The following DRC1 variants were observed in gnomAD, a reference collection of about 807,000 sequenced individuals.
DRC1 encodes the protein dynein regulatory complex subunit 1.
DRC1 carries 74 observed loss-of-function variants against 98.7 expected under a neutral mutation model. The observed-to-expected ratio is 0.75, with a 90% CI of 0.62 to 0.91. DRC1 has a LOEUF of 0.91. Ranked by LOEUF, DRC1 falls within the 40% of genes least tolerant of loss-of-function variation. The probability of loss-of-function intolerance (pLI) is 0.00; values close to 1 mark genes in which losing one functional copy is unlikely to be tolerated. For missense variants in DRC1, 875 were observed against 886.0 expected (o/e 0.99, Z 0.16); for synonymous variants, 336 against 334.1 (o/e 1.01, Z -0.06).
At chr2:26,444,691 C>T in intron 9 of DRC1, 25 bp from the exon 10 acceptor site, 1 of 1,608,442 alleles carries the variant, frequency 6.2e-7, no homozygotes, top group Non-Finnish European at 8.5e-7. Context: ...GCCAGCTGGC[C>T]ATGCTCTGTG....
intron 2 of DRC1, among the ~76,000 whole-genome samples, chr2:26,418,688 T>TATATAAATTATATTTAATTTATATA (rs1678929364): frequency 2.4e-5 from 2 of 84,904 alleles, no homozygotes; most frequent in Non-Finnish European, 4.2e-5. Context: ...TAATTTATAT[T>TATATAAATTATATTTAATTTATATA]ATATATAAAT....
intron 12 of DRC1, among the ~76,000 whole-genome samples, chr2:26,450,343 A>G (rs1663969938): frequency 6.6e-6 from 1 of 152,252 alleles, no homozygotes; most frequent in South Asian, 2.1e-4. Flanking sequence ...CCCCAAACTC[A>G]AATCTGGTGC....
chr2:26,432,868 T>C (rs941503477), intron 7 of DRC1, among the ~76,000 whole-genome samples: 5 of 152,304 alleles, frequency 3.3e-5, no homozygotes, highest in Admixed American at 1.3e-4. Flanking sequence ...AAGCTATATA[T>C]CTAGTACACG....
At chr2:26,450,716 TTTC>T (rs1162403757) in intron 13 of DRC1, 35 bp downstream of exon 13, 12 of 1,485,564 alleles carry the variant, frequency 8.1e-6, no homozygotes, top group Non-Finnish European at 1.1e-5. Flanking sequence ...AAGCATTTTC[TTTC>T]TTTCTTATTT....
At chr2:26,419,776 T>C (rs1310325430) in intron 2 of DRC1, among the ~76,000 whole-genome samples, 2 of 152,126 alleles carry the variant, frequency 1.3e-5, no homozygotes, top group African/African-American at 2.4e-5. Flanking sequence ...GAACTTTTTG[T>C]TGAGAGGATT....
intron 10 of DRC1, among the ~76,000 whole-genome samples, chr2:26,445,385 C>G (rs1663826434): frequency 6.6e-6 from 1 of 152,082 alleles, no homozygotes; most frequent in African/African-American, 2.4e-5. Context: ...AATTTGCTAC[C>G]CTGAGATAGT....
intron 2 of DRC1, 114 bp downstream of exon 2, chr2:26,414,545 G>A (rs1238098070): frequency 1.1e-6 from 1 of 888,446 alleles, no homozygotes; most frequent in East Asian, 2.7e-5. Context: ...TCTCTAGGCA[G>A]AACTGAATAG....
chr2:26,421,372 G>A lies in DRC1; in HGVS notation c.328G>A (p.Val110Ile). 1.2e-6 allele frequency: 2 copies of A among 1,613,408 alleles called. No individual in the cohort carries two copies. Among genetic ancestry groups the A allele is most frequent in the Non-Finnish European group, 1.7e-6 (2 of 1,179,600 alleles). ...AIDIREIHRR[V>I]EEEEIKRQRI... ...AGATATCAGAGAGATTCACAGGAGA[G>A]TCGAAGAAGAGGAGATAAAGCGTCA... The change falls in exon 3 of 17, where the codon GTC (valine) becomes ATC (isoleucine). Residue 110 changes from valine (V) to isoleucine (I), a missense_variant. By Grantham distance (29) the Val-to-Ile change is conservative (BLOSUM62 3). Coordinates refer to ENST00000288710, the MANE Select transcript of DRC1 (RefSeq NM_145038.5).
At chr2:26,453,793 G>A (rs1420077683) in intron 14 of DRC1, among the ~76,000 whole-genome samples, 1 of 152,242 alleles carries the variant, frequency 6.6e-6, no homozygotes, top group African/African-American at 2.4e-5. Flanking sequence ...ACTGAAGGCT[G>A]CCATGTGTAA....
At position 26,405,722 on chromosome 2, in the gene DRC1, G is replaced by A. The variant is rs142636421; in HGVS notation, c.155+3578G>A. Among the ~76,000 whole-genome samples the A allele has an allele frequency of 1.2e-4, 16 of 136,820 alleles. 1 individual carries two copies. In the East Asian group the frequency reaches 3.0e-3, roughly 25 times the overall value. The allele number at this position is 136,820 out of a possible 152,430, so 89.8% of individuals were successfully genotyped here. ...TCTATGCAGGCAGGAATGCAGTGGCGCAGTCTTGGCTTACTGCAATCTCCA... is the reference window on the plus strand; with the variant it reads ...TCTATGCAGGCAGGAATGCAGTGGCACAGTCTTGGCTTACTGCAATCTCCA... On this transcript the variant is annotated intron_variant, in intron 1 of 16. Transcript: ENST00000288710.
chr2:26,444,472 C>G, intron 9 of DRC1, 116 bp downstream of exon 9: 1 of 1,395,322 alleles, frequency 7.2e-7, no homozygotes, highest in Non-Finnish European at 9.6e-7. Context: ...TGGGGCTGGA[C>G]CAGGCACTAG....
At chr2:26,446,518 A>G (rs1217000933) in intron 10 of DRC1, among the ~76,000 whole-genome samples, 1 of 152,202 alleles carries the variant, frequency 6.6e-6, no homozygotes, top group African/African-American at 2.4e-5. Flanking sequence ...AAAATAAATC[A>G]TGAGTTCATT....
chr2:26,418,104 A>G (rs1678872394), intron 2 of DRC1, among the ~76,000 whole-genome samples: 1 of 152,016 alleles, frequency 6.6e-6, no homozygotes, highest in African/African-American at 2.4e-5. Context: ...CATCCCCTCA[A>G]GTAGACTTGT....
intron 16 of DRC1, 98 bp downstream of exon 16, chr2:26,455,331 A>G: frequency 8.9e-7 from 1 of 1,124,924 alleles, no homozygotes; most frequent in Non-Finnish European, 1.3e-6. Context: ...CCTCCCCGTC[A>G]GAGGCAAGGG....
At chr2:26,418,882 A>ATATAT (rs1484728017) in intron 2 of DRC1, among the ~76,000 whole-genome samples, 1 of 141,186 alleles carries the variant, frequency 7.1e-6, no homozygotes. Flanking sequence ...TATATATTAT[A>ATATAT]TATATTATAT....
At chr2:26,404,288 T>C (rs866371854) in intron 1 of DRC1, among the ~76,000 whole-genome samples, 1 of 152,218 alleles carries the variant, frequency 6.6e-6, no homozygotes, top group Non-Finnish European at 1.5e-5. Context: ...AGAACTACCA[T>C]GGTCCTGTGA....
chr2:26,410,245 ATATTATTATTAT>A (rs10573963), intron 1 of DRC1, among the ~76,000 whole-genome samples: 3,112 of 142,972 alleles, frequency 0.022, 112 homozygotes, highest in African/African-American at 0.066. Context: ...TATAGAGAAA[ATATTATTATTAT>A]TATTATTATT....
chr2:26,453,335 CAGGCGAGCATGGAGA>C lies in DRC1; in HGVS notation c.1720_1734del (p.Lys574_Glu578del), dbSNP rs878855222. 3.1e-4 allele frequency: 504 copies of C among 1,614,126 alleles called. 3 individuals are homozygous for C. The African/African-American group carries it at 5.8e-3, about 19-fold the overall frequency. On this transcript the variant is annotated inframe_deletion, in exon 14 of 17. Coordinates refer to ENST00000288710, the MANE Select transcript of DRC1 (RefSeq NM_145038.5). ...CTTTCTCCAGATCAAGCCCTGCAGT[CAGGCGAGCATGGAGA>C]AGGCGAGCATGGAGGAGACAAGCAC... is the stretch of plus-strand genomic sequence containing the variant.
At chr2:26,431,807 G>T (rs1406637043) in intron 6 of DRC1, 77 bp from the exon 7 acceptor site, 4 of 1,582,808 alleles carry the variant, frequency 2.5e-6, no homozygotes, top group East Asian at 2.3e-5. Context: ...CCTGTGTCAT[G>T]CTGGGCAGGC....
Sources: allele counts gnomAD v4.1 joint callset (sites outside exome capture counted in the v4.1 genomes callset), GRCh38; gene constraint gnomAD v4.1.1; transcripts MANE v1.5; gene names NCBI Gene and HGNC (gene_info 2026-07-23, HGNC 2026-07-21).